Variants in ATP13A4 observed in about 807,000 individuals in gnomAD.
ATP13A4 encodes the protein ATPase 13A4.
Under a neutral mutation model 142.5 loss-of-function variants are expected in ATP13A4, and 114 were observed. The observed-to-expected ratio is 0.80, with a 90% CI of 0.69 to 0.93. ATP13A4 has a LOEUF of 0.93. ATP13A4 is among the 40% of genes least tolerant of loss of function. The probability of loss-of-function intolerance (pLI) is 0.00; values close to 1 mark genes in which losing one functional copy is unlikely to be tolerated. For synonymous variants in ATP13A4, 488 were observed against 514.8 expected (o/e 0.95, Z 0.70); for missense variants, 1,392 against 1,454.0 (o/e 0.96, Z 0.69).
chr3:193,573,308 C>CGTATATATATATATATTCTT (rs1229145689), intron 2 of ATP13A4, among the ~76,000 whole-genome samples: 36 of 103,658 alleles, frequency 3.5e-4, no homozygotes, highest in Middle Eastern at 4.7e-3. Flanking sequence ...TATATATATA[C>CGTATATATATATATATTCTT]ATATATATAT....
intron 29 of ATP13A4, 97 bp downstream of exon 29, chr3:193,407,216 G>T: frequency 1.8e-6 from 2 of 1,087,288 alleles, no homozygotes; most frequent in Non-Finnish European, 2.8e-6. Flanking sequence ...CTGAGTCCAT[G>T]TCAGCTAAAG....
intron 2 of ATP13A4, among the ~76,000 whole-genome samples, chr3:193,572,866 G>A (rs1271539511): frequency 2.0e-5 from 3 of 151,656 alleles, no homozygotes; most frequent in Non-Finnish European, 2.9e-5. Flanking sequence ...TGTGACTCAC[G>A]CCTGTAATTC....
intron 1 of ATP13A4, among the ~76,000 whole-genome samples, chr3:193,532,420 T>C (rs759046373): frequency 2.7e-5 from 4 of 147,416 alleles, no homozygotes; most frequent in Admixed American, 1.4e-4. Flanking sequence ...TTACAGATAA[T>C]AGGCCCCCAA....
intron 9 of ATP13A4, among the ~76,000 whole-genome samples, chr3:193,469,650 A>T (rs1254491498): frequency 6.6e-6 from 1 of 152,212 alleles, no homozygotes; most frequent in East Asian, 1.9e-4. Flanking sequence ...AGAAATTTAA[A>T]GAGTCCACTG....
chr3:193,401,551 T>C lies in ATP13A4; in HGVS notation c.*1101A>G, dbSNP rs551573996. Among the ~76,000 whole-genome samples the C allele has an allele frequency of 2.0e-5, 3 of 152,316 alleles. No homozygotes were observed. In the East Asian group the frequency reaches 5.8e-4, roughly 29 times the overall value. ...GAGATTCCTAAAACATAGGATAAGT[T>C]ACTGGGGTTAGGAAAAGTGGGCTGT... On this transcript the variant is annotated 3_prime_UTR_variant, in exon 30 of 30. Transcript: ENST00000342695.
intron 1 of ATP13A4, among the ~76,000 whole-genome samples, chr3:193,525,669 A>G (rs1304895376): frequency 6.6e-6 from 1 of 152,154 alleles, no homozygotes; most frequent in Non-Finnish European, 1.5e-5. Context: ...TGTGCCAGAC[A>G]CTGGGTTGAA....
Position 193,492,927 on chromosome 3 carries a change from G to A in ATP13A4, c.523C>T (p.Gln175Ter). ...TAATATGCATGGTACCTAATCTCCT[G>A]TTCTTCTCTTGTCAAGCCTGATCCA... Reference protein sequence around the residue: ...KFGSGLTREEQEIRRLICGPN... With the variant: ...KFGSGLTREE Residue 175 changes from glutamine (Q) to a stop codon, truncating the protein, a stop_gained, in exon 5 of 30, where the codon CAG becomes TAG. Coordinates refer to ENST00000342695, the MANE Select transcript of ATP13A4 (RefSeq NM_032279.4). LOFTEE classifies it high-confidence loss of function. The A allele has an allele frequency of 6.2e-7, 1 of 1,606,640 alleles. No homozygotes were observed. Among genetic ancestry groups the A allele is most frequent in the Non-Finnish European group, 8.5e-7 (1 of 1,174,220 alleles).
Position 193,423,584 on chromosome 3 carries a change from C to T in ATP13A4, c.2843-8834G>A, listed in dbSNP as rs1288378526. Among the ~76,000 whole-genome samples, 4 of 149,426 alleles carry T rather than the reference C, an allele frequency of 2.7e-5. 1 individual carries two copies. Among genetic ancestry groups the T allele is most frequent in the African/African-American group, 9.8e-5 (4 of 40,692 alleles). On this transcript the variant is annotated intron_variant, in intron 25 of 29. Coordinates refer to ENST00000342695, the MANE Select transcript of ATP13A4 (RefSeq NM_032279.4). ...TTACATCAATAGGATGGACAAAAAC[C>T]ATATAATCATTTCAATAGATAAGCA...
At position 193,459,100 on chromosome 3, in the gene ATP13A4, A is replaced by G; in HGVS notation, c.1655T>C (p.Met552Thr). 4.3e-6 allele frequency: 7 copies of G among 1,614,224 alleles called. No individual in the cohort carries two copies. Among genetic ancestry groups the G allele is most frequent in the Non-Finnish European group, 5.9e-6 (7 of 1,180,038 alleles). The stretch of plus-strand genomic sequence containing the variant: ...GCTTACCCAGGTGGTGGCTTCAAAC[A>G]TTTTGAGGTCCAGAGGGTCTCCCTG... ...TIQGDPLDLK[M>T]FEATTWEMAF... Residue 552 changes from methionine to threonine, a missense_variant, in exon 14 of 30, where the codon ATG becomes ACG. By Grantham distance (81) the Met-to-Thr change is moderately conservative. Coordinates refer to ENST00000342695, the MANE Select transcript of ATP13A4 (RefSeq NM_032279.4).
chr3:193,583,136 T>C (rs544978428), intron 1 of ATP13A4, among the ~76,000 whole-genome samples: 67 of 151,192 alleles, frequency 4.4e-4, no homozygotes, highest in Non-Finnish European at 3.7e-4. Context: ...CTTTACTACA[T>C]AAAAATAAAG....
chr3:193,439,096 G>T, intron 21 of ATP13A4, 31 bp from the exon 22 acceptor site: 1 of 1,561,242 alleles, frequency 6.4e-7, no homozygotes, highest in Non-Finnish European at 8.8e-7. Flanking sequence ...TTGTAGATGA[G>T]ATCAAACCTA....
At chr3:193,408,077 G>C (rs1203699201) in intron 28 of ATP13A4, among the ~76,000 whole-genome samples, 1 of 152,242 alleles carries the variant, frequency 6.6e-6, no homozygotes, top group African/African-American at 2.4e-5. Context: ...TATATGTATG[G>C]TGAATGAGTG....
chr3:193,586,927 G>C (rs1257126376), intron 1 of ATP13A4, among the ~76,000 whole-genome samples: 1 of 152,192 alleles, frequency 6.6e-6, no homozygotes, highest in Non-Finnish European at 1.5e-5. Context: ...TTGGGGGAAA[G>C]TGATATCTTA....
chr3:193,514,903 G>T (rs776083188), intron 1 of ATP13A4, 32 bp from the exon 2 acceptor site: 20 of 1,604,532 alleles, frequency 1.2e-5, no homozygotes, highest in South Asian at 3.3e-5. Flanking sequence ...ACCAAATATT[G>T]GTTAAGCACA....
intron 19 of ATP13A4, 139 bp downstream of exon 19, chr3:193,442,254 A>G: frequency 1.1e-6 from 1 of 881,456 alleles, no homozygotes; most frequent in South Asian, 1.5e-5. Flanking sequence ...AGTATGGAAA[A>G]ACCAATGTAA....
chr3:193,499,694 C>T (rs1376585010), intron 3 of ATP13A4, among the ~76,000 whole-genome samples: 1 of 152,124 alleles, frequency 6.6e-6, no homozygotes. Context: ...TGGCTATCTA[C>T]TTATTAATTA....
chr3:193,556,869 A>G (rs1237538931), upstream of ATP13A4, among the ~76,000 whole-genome samples: 1 of 152,270 alleles, frequency 6.6e-6, no homozygotes, highest in African/African-American at 2.4e-5. Context: ...AGAAAAAAAT[A>G]TAAAACAAGC....
chr3:193,516,210 C>A (rs1411027007), intron 1 of ATP13A4, among the ~76,000 whole-genome samples: 1 of 152,168 alleles, frequency 6.6e-6, no homozygotes, highest in African/African-American at 2.4e-5. Context: ...TTCTTTATCT[C>A]ACCTGATAAA....
At chr3:193,427,081 A>G (rs1406730708) in intron 25 of ATP13A4, among the ~76,000 whole-genome samples, 2 of 152,042 alleles carry the variant, frequency 1.3e-5, no homozygotes, top group Non-Finnish European at 2.9e-5. Context: ...TTCATGTCTC[A>G]TAAGAGTTTA....
Sources: gnomAD v4.1 joint callset for allele counts (sites outside exome capture counted in the v4.1 genomes callset) on GRCh38, gnomAD v4.1.1 for gene constraint, MANE v1.5 for transcripts, NCBI Gene and HGNC (gene_info 2026-07-23, HGNC 2026-07-21) for gene names.